The following CHL1 variants were observed in gnomAD, a reference collection of about 807,000 sequenced individuals.
The protein encoded by CHL1 is cell adhesion molecule L1 like, also known as neural cell adhesion molecule L1-like protein.
In CHL1, 96 loss-of-function variants were observed where a neutral mutation model predicts 141.9. That is an observed-to-expected ratio of 0.68 (90% CI 0.57 to 0.80). The LOEUF (loss-of-function observed/expected upper bound fraction) is 0.80, where lower values mean the gene tolerates loss of function less well. Ranked by LOEUF, CHL1 falls within the 30% of genes least tolerant of loss-of-function variation. CHL1 has a pLI of 0.00. For missense variants in CHL1, 1,820 were observed against 1,457.2 expected, an observed-to-expected ratio of 1.25 and a Z score of -4.05; for synonymous variants, 613 against 502.2, an observed-to-expected ratio of 1.22 and a Z score of -2.95.
At chr3:198,304 A>G (rs1157479834) in intron 1 of CHL1, among the ~76,000 whole-genome samples, 2 of 151,954 alleles carry the variant, frequency 1.3e-5, no homozygotes, top group African/African-American at 2.4e-5. Context: ...GCCGCGGAGC[A>G]GCCCCAGGGC....
At chr3:297,838 G>C (rs1012461507) in intron 2 of CHL1, among the ~76,000 whole-genome samples, 16 of 152,288 alleles carry the variant, frequency 1.1e-4, no homozygotes, top group Admixed American at 6.5e-4. Context: ...AAGCCAAACT[G>C]ATTTTAATAT....
Position 391,171 on chromosome 3 carries a change from A to G in CHL1, c.2791+12A>G, listed in dbSNP as rs1334840691. On this transcript the variant is annotated intron_variant, in intron 22 of 27. Transcript: ENST00000256509. ...AACACCAGAAGGAGGTGAGAGGATA[A>G]TGATGTAGAGTCATGTCAAAAATGG... is the stretch of plus-strand genomic sequence containing the variant. The G allele has an allele frequency of 1.9e-6, 3 of 1,589,392 alleles. No homozygotes were observed. Among genetic ancestry groups the G allele is most frequent in the Non-Finnish European group, 2.6e-6 (3 of 1,157,900 alleles).
chr3:233,783 T>C (rs1691650252), intron 1 of CHL1, among the ~76,000 whole-genome samples: 1 of 152,118 alleles, frequency 6.6e-6, no homozygotes, highest in Non-Finnish European at 1.5e-5. Context: ...TTCTAATACA[T>C]AACTATATTC....
intron 2 of CHL1, among the ~76,000 whole-genome samples, chr3:311,174 G>A (rs1403075788): frequency 6.6e-6 from 1 of 152,090 alleles, no homozygotes; most frequent in African/African-American, 2.4e-5. Flanking sequence ...AAATAAAGCT[G>A]TTAAACATCC....
chr3:360,496 G>T (rs1217151625), intron 12 of CHL1, 72 bp downstream of exon 12: 2 of 1,461,490 alleles, frequency 1.4e-6, no homozygotes, highest in African/African-American at 2.8e-5. Flanking sequence ...GTTCAGAAGT[G>T]TATTAACTCT....
intron 2 of CHL1, among the ~76,000 whole-genome samples, chr3:272,664 G>T (rs1000430013): frequency 6.6e-6 from 1 of 152,184 alleles, no homozygotes; most frequent in Admixed American, 6.5e-5. Context: ...TAAGTTACAG[G>T]ATTAGGGAAG....
intron 20 of CHL1, among the ~76,000 whole-genome samples, chr3:390,123 T>C (rs998488471): frequency 6.6e-6 from 1 of 152,208 alleles, no homozygotes; most frequent in African/African-American, 2.4e-5. Flanking sequence ...AACTCATTAC[T>C]CACCTGCCGT....
intron 16 of CHL1, 141 bp from the exon 17 acceptor site, chr3:382,038 T>A (rs1431157834): frequency 6.5e-6 from 3 of 463,514 alleles, no homozygotes; most frequent in Non-Finnish European, 1.1e-5. Context: ...CTTCCATATG[T>A]GGGGTGGGGG....
rs557939202 is a variant in CHL1 at position 210,558 on chromosome 3, C to G, written c.-175+13495C>G. Among the ~76,000 whole-genome samples, 3 of 152,320 alleles carry G rather than the reference C, an allele frequency of 2.0e-5. No individual in the cohort carries two copies. In the East Asian group the frequency reaches 5.8e-4, roughly 29 times the overall value. On this transcript the variant is annotated intron_variant, in intron 1 of 27. Transcript: ENST00000256509. ...TCCAGAAATGTCACTGGACTTTTCA[C>G]ACAGTGACTCAGGGCTTTAAAAATC... is the stretch of plus-strand genomic sequence containing the variant.
chr3:300,723 G>A (rs1482194602), intron 2 of CHL1, among the ~76,000 whole-genome samples: 1 of 151,760 alleles, frequency 6.6e-6, no homozygotes, highest in Non-Finnish European at 1.5e-5. Flanking sequence ...TGTATAATTT[G>A]AAACTGAGAT....
At chr3:212,300 G>C (rs531627559) in intron 1 of CHL1, among the ~76,000 whole-genome samples, 14 of 151,926 alleles carry the variant, frequency 9.2e-5, no homozygotes, top group Admixed American at 5.2e-4. Flanking sequence ...TTATGATCAG[G>C]CAATAAAGCA....
chr3:379,326 T>C (rs926089317), intron 16 of CHL1, among the ~76,000 whole-genome samples: 48 of 152,152 alleles, frequency 3.2e-4, no homozygotes, highest in African/African-American at 1.1e-3. Context: ...GGTATGGACT[T>C]GTAGAGTTGT....
At chr3:259,557 C>A (rs758954610) in intron 2 of CHL1, among the ~76,000 whole-genome samples, 1 of 152,092 alleles carries the variant, frequency 6.6e-6, no homozygotes, top group Non-Finnish European at 1.5e-5. Flanking sequence ...ATCAGGGAGG[C>A]CTTTCCTGTA....
At chr3:224,661 C>G (rs1367132592) in intron 1 of CHL1, among the ~76,000 whole-genome samples, 1 of 152,132 alleles carries the variant, frequency 6.6e-6, no homozygotes, top group East Asian at 1.9e-4. Flanking sequence ...GCTTGTACAG[C>G]TTGAAGAAGC....
intron 2 of CHL1, among the ~76,000 whole-genome samples, chr3:305,688 A>G (rs1435723752): frequency 4.0e-5 from 6 of 151,066 alleles, no homozygotes; most frequent in Non-Finnish European, 5.9e-5. Context: ...TACATTATAT[A>G]TAATATAAAT....
chr3:335,636 A>G (rs970038993), intron 5 of CHL1, among the ~76,000 whole-genome samples: 14 of 152,206 alleles, frequency 9.2e-5, no homozygotes, highest in African/African-American at 3.1e-4. Flanking sequence ...AAAATAGATA[A>G]AGCTTTTTGG....
chr3:363,297 C>A lies in CHL1; in HGVS notation c.1499C>A (p.Thr500Asn). The change falls in exon 14 of 28, where the codon ACC becomes AAC. Residue 500 changes from threonine (T) to asparagine (N), a missense_variant. Transcript: ENST00000256509. ...YENGTLQINRTTEEDAGSYSC... is the reference protein window; with the variant it reads ...YENGTLQINRNTEEDAGSYSC... ...AATGGCACATTGCAGATCAACAGAACCACCGAAGAAGATGCTGGGTCTTAC... is the reference window on the plus strand; with the variant it reads ...AATGGCACATTGCAGATCAACAGAAACACCGAAGAAGATGCTGGGTCTTAC... 1.9e-6 allele frequency: 3 copies of A among 1,613,624 alleles called. No homozygotes were observed. The highest frequency in any genetic ancestry group is 1.7e-6 in the Non-Finnish European group (2 of 1,179,686).
intron 16 of CHL1, among the ~76,000 whole-genome samples, chr3:381,488 G>A (rs1300440201): frequency 6.6e-6 from 1 of 152,156 alleles, no homozygotes; most frequent in Non-Finnish European, 1.5e-5. Context: ...TTAAAAGCAG[G>A]AGTAAATTTC....
chr3:361,843 A>G, intron 13 of CHL1, 33 bp downstream of exon 13: 1 of 1,362,922 alleles, frequency 7.3e-7, no homozygotes. Flanking sequence ...TCTTAAGAGA[A>G]TGTCAATTGT....
Sources: allele counts gnomAD v4.1 joint callset (sites outside exome capture counted in the v4.1 genomes callset), GRCh38; gene constraint gnomAD v4.1.1; transcripts MANE v1.5; gene names NCBI Gene and HGNC (gene_info 2026-07-23, HGNC 2026-07-21).